Variants in PCSK5 observed in about 807,000 individuals in gnomAD.
PCSK5 encodes the protein prohormone convertase 5.
Under a neutral mutation model 233.2 loss-of-function variants are expected in PCSK5, and 129 were observed. The observed-to-expected ratio is 0.55, with a 90% CI of 0.48 to 0.64. The LOEUF is 0.64. PCSK5 is among the 30% of genes least tolerant of loss of function. PCSK5 has a pLI of 0.00. For synonymous variants in PCSK5, 825 were observed against 879.2 expected, an observed-to-expected ratio of 0.94 and a Z score of 1.09; for missense variants, 2,076 against 2,430.1, an observed-to-expected ratio of 0.85 and a Z score of 3.06.
intron 9 of PCSK5, among the ~76,000 whole-genome samples, chr9:76,114,609 G>A (rs920625784): frequency 1.3e-4 from 20 of 152,120 alleles, no homozygotes; most frequent in African/African-American, 4.8e-4. Flanking sequence ...TAAGAAACAT[G>A]TTGGATAGTT....
chr9:76,138,104 C>A (rs1161278046), intron 10 of PCSK5, among the ~76,000 whole-genome samples: 1 of 152,052 alleles, frequency 6.6e-6, no homozygotes, highest in Non-Finnish European at 1.5e-5. Context: ...AGCATGCCAA[C>A]CCAACACATG....
intron 2 of PCSK5, among the ~76,000 whole-genome samples, chr9:75,966,458 T>C (rs1276486518): frequency 2.6e-5 from 4 of 152,368 alleles, no homozygotes; most frequent in African/African-American, 9.6e-5. Flanking sequence ...AGGTTATTTA[T>C]TGGATACATT....
At chr9:76,319,929 T>G (rs1398586251) in intron 30 of PCSK5, among the ~76,000 whole-genome samples, 1 of 152,174 alleles carries the variant, frequency 6.6e-6, no homozygotes, top group African/African-American at 2.4e-5. Context: ...CTTTCTCTGC[T>G]TCGGCTACCT....
At chr9:76,069,883 A>G (rs576321902) in intron 6 of PCSK5, among the ~76,000 whole-genome samples, 24 of 152,220 alleles carry the variant, frequency 1.6e-4, no homozygotes, top group African/African-American at 5.5e-4. Context: ...ATGCAGACAA[A>G]TTTTGAATAT....
intron 5 of PCSK5, among the ~76,000 whole-genome samples, chr9:76,035,434 C>A (rs1406305868): frequency 1.3e-5 from 2 of 152,114 alleles, no homozygotes; most frequent in Admixed American, 1.3e-4. Context: ...GCCTTCAGAA[C>A]TCCTTGTTTT....
chr9:76,279,382 T>C (rs1827795182), intron 24 of PCSK5, among the ~76,000 whole-genome samples: 1 of 150,452 alleles, frequency 6.6e-6, no homozygotes, highest in Admixed American at 6.6e-5. Flanking sequence ...TACGTGTGCA[T>C]GTGTCTTTAC....
At chr9:76,241,358 C>T (rs1826426147) in intron 24 of PCSK5, among the ~76,000 whole-genome samples, 1 of 152,210 alleles carries the variant, frequency 6.6e-6, no homozygotes, top group Non-Finnish European at 1.5e-5. Flanking sequence ...AGGAGAATTG[C>T]TTGAACCCAG....
rs565558260 is a variant in PCSK5, at chr9:76,141,909, G to C, written c.1312+7697G>C. ...AACCAAATACTACATGTTCTCACTTGTAAGTGGGAGCTAAATGATGAGAAC... is the reference window on the plus strand; with the variant it reads ...AACCAAATACTACATGTTCTCACTTCTAAGTGGGAGCTAAATGATGAGAAC... On this transcript the variant is annotated intron_variant, in intron 10 of 37. Transcript: ENST00000674117. Among the ~76,000 whole-genome samples, 33 of 152,152 alleles carry C rather than the reference G, an allele frequency of 2.2e-4. No individual in the cohort carries two copies. In the South Asian group the frequency reaches 2.7e-3, roughly 12 times the overall value.
intron 9 of PCSK5, among the ~76,000 whole-genome samples, chr9:76,127,297 T>C (rs1315224560): frequency 2.0e-5 from 3 of 152,332 alleles, no homozygotes; most frequent in Non-Finnish European, 4.4e-5. Flanking sequence ...GGCAAATAAG[T>C]ATACTTGTAG....
At chr9:76,235,068 A>G (rs527449102) in intron 22 of PCSK5, among the ~76,000 whole-genome samples, 14 of 152,330 alleles carry the variant, frequency 9.2e-5, no homozygotes, top group African/African-American at 3.1e-4. Context: ...TCTATGCCCC[A>G]TAAGAGCATG....
At chr9:76,044,815 AT>A (rs530624199) in intron 5 of PCSK5, among the ~76,000 whole-genome samples, 1 of 152,092 alleles carries the variant, frequency 6.6e-6, no homozygotes, top group Non-Finnish European at 1.5e-5. Context: ...ATTTTTATTT[AT>A]TTTTTTGTGA....
chr9:76,120,284 A>G (rs1385252968), intron 9 of PCSK5, among the ~76,000 whole-genome samples: 1 of 152,122 alleles, frequency 6.6e-6, no homozygotes, highest in African/African-American at 2.4e-5. Context: ...ATCTTTAAAC[A>G]TTACAGAATC....
chr9:76,242,264 T>G (rs1826453017), intron 24 of PCSK5, among the ~76,000 whole-genome samples: 1 of 152,134 alleles, frequency 6.6e-6, no homozygotes, highest in Non-Finnish European at 1.5e-5. Context: ...AATTTGAAAT[T>G]AATACTTAAA....
chr9:76,128,974 C>G (rs1822641382), intron 9 of PCSK5, among the ~76,000 whole-genome samples: 1 of 152,174 alleles, frequency 6.6e-6, no homozygotes, highest in South Asian at 2.1e-4. Context: ...GTGGGACTGA[C>G]AATCTGATGA....
Position 76,136,227 on chromosome 9 carries a change from GA to G in PCSK5, c.1312+2026del, listed in dbSNP as rs376373456. ...ACAGGATCATAATAAGATGACTTAAGAAAAAAAAAAAGTTATTCTCTACTCT... is the reference window on the plus strand; with the variant it reads ...ACAGGATCATAATAAGATGACTTAAGAAAAAAAAAAGTTATTCTCTACTCT... On this transcript the variant is annotated intron_variant, in intron 10 of 37. Transcript: ENST00000674117. Among the ~76,000 whole-genome samples the G allele has an allele frequency of 4.3e-3, 626 of 144,090 alleles. 3 individuals carry two copies. The highest frequency in any genetic ancestry group is 0.015 in the African/African-American group (594 of 39,522). 94.5% of individuals were successfully genotyped at this position (144,090 alleles called of 152,430 possible). A position where few individuals can be genotyped will look rare whatever the true frequency, so the allele number is the denominator to read the frequency against.
intron 9 of PCSK5, among the ~76,000 whole-genome samples, chr9:76,111,487 T>C (rs942920689): frequency 6.6e-6 from 1 of 152,230 alleles, no homozygotes. Context: ...GAAAAAATAC[T>C]TTAATCTTAA....
chr9:76,240,784 C>A, intron 24 of PCSK5, 100 bp downstream of exon 24: 1 of 796,716 alleles, frequency 1.3e-6, no homozygotes, highest in Non-Finnish European at 2.2e-6. Context: ...CTTGTCATTG[C>A]TGTCAGCCTC....
At chr9:76,354,689 A>G (rs1445430103) in intron 37 of PCSK5, among the ~76,000 whole-genome samples, 2 of 152,132 alleles carry the variant, frequency 1.3e-5, no homozygotes, top group African/African-American at 4.8e-5. Flanking sequence ...AGGTGAGAGG[A>G]TCTCTTGAGC....
chr9:76,270,047 T>A (rs529955159), intron 24 of PCSK5, among the ~76,000 whole-genome samples: 322 of 152,314 alleles, frequency 2.1e-3, no homozygotes, highest in African/African-American at 7.1e-3. Flanking sequence ...TTTTTTTTCT[T>A]TAAAGTGAAT....
Sources: gnomAD v4.1 joint callset for allele counts (sites outside exome capture counted in the v4.1 genomes callset) on GRCh38, gnomAD v4.1.1 for gene constraint, MANE v1.5 for transcripts, NCBI Gene and HGNC (gene_info 2026-07-23, HGNC 2026-07-21) for gene names.